FBXO11: variants seen among roughly 807,000 people sequenced by gnomAD.
The protein encoded by FBXO11 is F-box protein 11.
Under a neutral mutation model 117.0 loss-of-function variants are expected in FBXO11, and 13 were observed. That is an observed-to-expected ratio of 0.11 (90% confidence interval 0.07 to 0.18). The LOEUF (loss-of-function observed/expected upper bound fraction) is 0.18. Ranked by LOEUF, FBXO11 falls within the 10% of genes least tolerant of loss-of-function variation. The probability of loss-of-function intolerance (pLI) is 1.00; values close to 1 mark genes in which losing one functional copy is unlikely to be tolerated. For missense variants in FBXO11, 767 were observed against 1,164.4 expected, an observed-to-expected ratio of 0.66 and a Z score of 4.97; for synonymous variants, 490 against 380.5, an observed-to-expected ratio of 1.29 and a Z score of -3.35.
intron 1 of FBXO11, among the ~76,000 whole-genome samples, chr2:47,873,938 G>C (rs1262220533): frequency 6.6e-6 from 1 of 151,978 alleles, no homozygotes; most frequent in Non-Finnish European, 1.5e-5. Context: ...TTTAAAGCTG[G>C]GCCCGGTGGC....
chr2:47,905,592 C>T lies in FBXO11; in HGVS notation c.129G>A (p.Gln43=), dbSNP rs770101657. 30 of 1,290,616 alleles carry T rather than the reference C, an allele frequency of 2.3e-5. No individual in the cohort carries two copies. Among genetic ancestry groups the T allele is most frequent in the South Asian group, 7.4e-5 (3 of 40,374 alleles). The allele number at this position is 1,290,616 out of a possible 1,614,324, so 79.9% of individuals were successfully genotyped here. ...GCTGCTGCGGCGGCGGCGGAGGCTG[C>T]TGCTGGGGCGGCTGCTGCTGGGGCG... ...PQPPQQQPPQ[Q]QPPPPPQQQQ... The change falls in exon 1 of 23, where the codon CAG becomes CAA. Residue 43 remains glutamine, a synonymous_variant. Coordinates refer to ENST00000403359, the MANE Select transcript of FBXO11 (RefSeq NM_001190274.2).
chr2:47,868,463 T>C (rs1675365926), intron 1 of FBXO11, among the ~76,000 whole-genome samples: 1 of 152,150 alleles, frequency 6.6e-6, no homozygotes, highest in South Asian at 2.1e-4. Context: ...ATGTACTTTA[T>C]TTTTGAGAAA....
At chr2:47,838,406 C>CA (rs1051846853) in intron 4 of FBXO11, among the ~76,000 whole-genome samples, 1 of 146,652 alleles carries the variant, frequency 6.8e-6, no homozygotes, top group Non-Finnish European at 1.5e-5. Flanking sequence ...GTACATAAAG[C>CA]AAAAAAAACT....
Position 47,807,056 on chromosome 2 carries a change from TATGGTACATGCATACACTTTC to T in FBXO11, c.*1041_*1061del. On this transcript the variant is annotated 3_prime_UTR_variant, in exon 23 of 23. Transcript: ENST00000403359. ...TCCACAATATATTAAGTCTAGATGT[TATGGTACATGCATACACTTTC>T]AGGCTGTTTTATACCCACTGTCACC... 1.7e-6 allele frequency: 1 copy of T among 590,710 alleles called. No homozygotes were observed. Among genetic ancestry groups the T allele is most frequent in the Non-Finnish European group, 3.0e-6 (1 of 336,162 alleles). 36.6% of individuals were successfully genotyped at this position (590,710 alleles called of 1,614,324 possible).
chr2:47,829,522 G>A (rs990926373), intron 11 of FBXO11, among the ~76,000 whole-genome samples: 4 of 152,116 alleles, frequency 2.6e-5, no homozygotes, highest in African/African-American at 9.7e-5. Flanking sequence ...TTATAGGCAT[G>A]AGCCACCACA....
intron 1 of FBXO11, among the ~76,000 whole-genome samples, chr2:47,882,594 T>C (rs968985768): frequency 1.3e-5 from 2 of 152,226 alleles, no homozygotes; most frequent in Non-Finnish European, 2.9e-5. Context: ...CCTGTGTCTC[T>C]TATTATGTTT....
intron 1 of FBXO11, among the ~76,000 whole-genome samples, chr2:47,858,061 C>T (rs574683833): frequency 6.6e-6 from 1 of 152,190 alleles, no homozygotes; most frequent in African/African-American, 2.4e-5. Flanking sequence ...CCTTGGGTCA[C>T]TATAAAAGAG....
chr2:47,827,607 T>C (rs1671855987), intron 11 of FBXO11, among the ~76,000 whole-genome samples: 1 of 152,200 alleles, frequency 6.6e-6, no homozygotes, highest in Non-Finnish European at 1.5e-5. Flanking sequence ...GAACCCGGCC[T>C]GCTTCAAGAC....
chr2:47,815,336 C>T (rs1026977032), intron 16 of FBXO11, among the ~76,000 whole-genome samples: 1 of 152,156 alleles, frequency 6.6e-6, no homozygotes, highest in Admixed American at 6.5e-5. Flanking sequence ...GAGGATCTTC[C>T]AGGGAGAAGG....
intron 1 of FBXO11, among the ~76,000 whole-genome samples, chr2:47,865,192 A>G (rs1675102957): frequency 6.6e-6 from 1 of 152,220 alleles, no homozygotes; most frequent in Non-Finnish European, 1.5e-5. Flanking sequence ...AGAAACTGCT[A>G]TCACCCCAAA....
chr2:47,854,906 T>A (rs895621807), intron 1 of FBXO11, among the ~76,000 whole-genome samples: 1 of 151,700 alleles, frequency 6.6e-6, no homozygotes, highest in South Asian at 2.1e-4. Flanking sequence ...GTTGTAACAT[T>A]CATCAAACCT....
intron 9 of FBXO11, 22 bp from the exon 10 acceptor site, chr2:47,832,700 A>C: frequency 6.2e-7 from 1 of 1,611,166 alleles, no homozygotes; most frequent in South Asian, 1.1e-5. Flanking sequence ...TTATTTATTT[A>C]TGTAAAAACC....
intron 4 of FBXO11, chr2:47,836,902 T>C: frequency 2.7e-6 from 1 of 370,856 alleles, no homozygotes; most frequent in Non-Finnish European, 5.2e-6. Context: ...TCTTGTCTTA[T>C]TTTTTGATTT....
chr2:47,856,183 G>A (rs1441783138), intron 1 of FBXO11, among the ~76,000 whole-genome samples: 1 of 152,194 alleles, frequency 6.6e-6, no homozygotes, highest in Non-Finnish European at 1.5e-5. Flanking sequence ...AAAGGACACA[G>A]TGATATGTGG....
Position 47,905,579 on chromosome 2 carries a change from G to C in FBXO11, c.142C>G (p.Pro48Ala). The C allele has an allele frequency of 7.9e-7, 1 of 1,259,420 alleles. No individual in the cohort carries two copies. The highest frequency in any genetic ancestry group is 1.6e-5 in the African/African-American group (1 of 64,042). The allele number at this position is 1,259,420 out of a possible 1,614,324, so 78.0% of individuals were successfully genotyped here. Residue 48 changes from proline (P) to alanine (A), a missense_variant, in exon 1 of 23, where the codon CCG (proline) becomes GCG (alanine). Around this residue, in one of 10 missense-constraint regions of FBXO11, gnomAD observed 355 missense variants for 299.8 expected, o/e 1.18. Transcript: ENST00000403359. Reference protein sequence around the residue: ...QQPPQQQPPPPPQQQQQQQPP... With the variant: ...QQPPQQQPPPAPQQQQQQQPP... ...TGCTGCTGCTGCTGCTGCTGCGGCGGCGGCGGAGGCTGCTGCTGGGGCGGC... is the reference window on the plus strand; with the variant it reads ...TGCTGCTGCTGCTGCTGCTGCGGCGCCGGCGGAGGCTGCTGCTGGGGCGGC...
chr2:47,859,950 T>C (rs892588691), intron 1 of FBXO11, among the ~76,000 whole-genome samples: 2 of 152,198 alleles, frequency 1.3e-5, no homozygotes, highest in African/African-American at 4.8e-5. Context: ...GAAAAGTTCA[T>C]AGATTTTCCC....
intron 1 of FBXO11, among the ~76,000 whole-genome samples, chr2:47,892,577 A>G (rs530043507): frequency 1.3e-5 from 2 of 152,366 alleles, no homozygotes; most frequent in African/African-American, 4.8e-5. Context: ...GCAGAATCAG[A>G]AAGATTCATA....
intron 12 of FBXO11, 76 bp downstream of exon 12, chr2:47,823,067 T>G: frequency 9.4e-7 from 1 of 1,064,414 alleles, no homozygotes; most frequent in South Asian, 1.7e-5. Flanking sequence ...TTTCAAGAGT[T>G]AAAGCTCAAT....
At chr2:47,868,633 G>A (rs367690603) in intron 1 of FBXO11, among the ~76,000 whole-genome samples, 1 of 152,214 alleles carries the variant, frequency 6.6e-6, no homozygotes, top group East Asian at 1.9e-4. Flanking sequence ...TGTTGTCATT[G>A]CCCAGTAGGC....
Sources: allele counts gnomAD v4.1 joint callset (sites outside exome capture counted in the v4.1 genomes callset), GRCh38; gene constraint gnomAD v4.1.1; regional missense constraint gnomAD v4.1.1; transcripts MANE v1.5; gene names NCBI Gene and HGNC (gene_info 2026-07-23, HGNC 2026-07-21).